The following SYK variants were observed in gnomAD, a reference collection of about 807,000 sequenced individuals.
The protein encoded by SYK is spleen associated tyrosine kinase.
In SYK, 16 loss-of-function variants were observed where a neutral mutation model predicts 77.8. The ratio of observed to expected loss-of-function variants is 0.21; its 90% CI spans 0.14 to 0.31. SYK has a LOEUF of 0.31. Ranked by LOEUF, SYK falls within the 10% of genes least tolerant of loss-of-function variation. SYK has a pLI of 1.00. For synonymous variants in SYK, 312 were observed against 308.7 expected, an observed-to-expected ratio of 1.01 and a Z score of -0.11; for missense variants, 529 against 814.4, an observed-to-expected ratio of 0.65 and a Z score of 4.26.
At chr9:90,887,701 C>A in intron 11 of SYK, 48 bp from the exon 12 acceptor site, 1 of 1,557,742 alleles carries the variant, frequency 6.4e-7, no homozygotes. Context: ...ATGTGCCCGG[C>A]CCACAATTTT....
chr9:90,829,029 G>A (rs77425772), intron 1 of SYK, among the ~76,000 whole-genome samples: 2,923 of 152,310 alleles, frequency 0.019, 96 homozygotes, highest in East Asian at 0.15. Context: ...AGAGGCTCAC[G>A]CCTGTAATCC....
chr9:90,898,026 A>C lies in SYK; in HGVS notation c.*2426A>C, dbSNP rs753172240. The C allele has an allele frequency of 6.0e-4, 138 of 229,484 alleles. 3 individuals are homozygous for C. Among genetic ancestry groups the C allele is most frequent in the Admixed American group, 5.7e-5 (1 of 17,666 alleles). The allele number at this position is 229,484 out of a possible 1,614,324, so 14.2% of individuals were successfully genotyped here. On this transcript the variant is annotated 3_prime_UTR_variant, in exon 14 of 14. Transcript: ENST00000375754. ...AGCAGCTAGCTTGGGCTGGATTCTC[A>C]TACCCAGGCTGCCCCTTGGATTGTT... is the stretch of plus-strand genomic sequence containing the variant.
At chr9:90,883,924 G>C (rs1235640287) in intron 11 of SYK, among the ~76,000 whole-genome samples, 1 of 152,078 alleles carries the variant, frequency 6.6e-6, no homozygotes, top group Non-Finnish European at 1.5e-5. Flanking sequence ...CCAAGGACAG[G>C]CATACTCAGC....
At chr9:90,830,320 C>G (rs888572759) in intron 1 of SYK, among the ~76,000 whole-genome samples, 5 of 152,214 alleles carry the variant, frequency 3.3e-5, no homozygotes, top group African/African-American at 1.2e-4. Context: ...CAACTCAGGC[C>G]CTGCAGCTGG....
chr9:90,873,493 T>TC lies in SYK; in HGVS notation c.916-703dup, dbSNP rs202140865. ...AAGTCCTTAGGATAATGAGTAGATT[T>TC]CCCCCCCCAGTTGTTTCATGATATA... On this transcript the variant is annotated intron_variant, in intron 7 of 13. Coordinates refer to ENST00000375754, the MANE Select transcript of SYK (RefSeq NM_003177.7). 7.3e-3 allele frequency among the ~76,000 whole-genome samples: 1,115 copies of TC among 151,718 alleles called. 10 individuals are homozygous for TC. The highest frequency in any genetic ancestry group is 0.015 in the African/African-American group (625 of 41,354).
At chr9:90,854,360 G>A (rs1248753102) in intron 3 of SYK, among the ~76,000 whole-genome samples, 1 of 152,180 alleles carries the variant, frequency 6.6e-6, no homozygotes, top group African/African-American at 2.4e-5. Context: ...GAGAAACTGA[G>A]TCAGAGAGGA....
At chr9:90,810,411 G>T (rs1334903893) in intron 1 of SYK, among the ~76,000 whole-genome samples, 1 of 152,152 alleles carries the variant, frequency 6.6e-6, no homozygotes, top group Non-Finnish European at 1.5e-5. Context: ...ACTTCAATGG[G>T]GCGTAATCAC....
At chr9:90,816,035 C>G (rs1564069950) in intron 1 of SYK, among the ~76,000 whole-genome samples, 1 of 152,196 alleles carries the variant, frequency 6.6e-6, no homozygotes, top group East Asian at 1.9e-4. Flanking sequence ...AACCACTGTT[C>G]TCAGCTGGAG....
chr9:90,877,548 G>A lies in SYK; in HGVS notation c.1182-23G>A, dbSNP rs1231145930. The A allele has an allele frequency of 8.1e-6, 13 of 1,613,472 alleles. No homozygotes were observed. The East Asian group carries it at 2.9e-4, about 36-fold the overall frequency. On this transcript the variant is annotated intron_variant, in intron 9 of 13. Coordinates refer to ENST00000375754, the MANE Select transcript of SYK (RefSeq NM_003177.7). The stretch of plus-strand genomic sequence containing the variant: ...AGTGAGGCATTTTGGAAAGTTTCTT[G>A]TGTGTTATGATTTCTCTTGCAGAGT...
intron 1 of SYK, among the ~76,000 whole-genome samples, chr9:90,843,164 C>T (rs10821511): frequency 0.26 from 39,923 of 152,004 alleles, 5,577 homozygotes; most frequent in South Asian, 0.34. Context: ...CTATGGGCCC[C>T]AGGCCTCGGG....
intron 3 of SYK, among the ~76,000 whole-genome samples, chr9:90,853,780 G>A (rs187735133): frequency 4.6e-5 from 7 of 151,984 alleles, no homozygotes; most frequent in Non-Finnish European, 8.8e-5. Context: ...TAAATGACAA[G>A]TTAATGGGTG....
At chr9:90,847,449 G>T (rs1296865755) in intron 3 of SYK, among the ~76,000 whole-genome samples, 1 of 149,452 alleles carries the variant, frequency 6.7e-6, no homozygotes, top group African/African-American at 2.5e-5. Context: ...ACTTTATATT[G>T]CAGTTGTCCA....
chr9:90,808,970 G>A (rs1001679477), intron 1 of SYK, among the ~76,000 whole-genome samples: 8 of 152,196 alleles, frequency 5.3e-5, no homozygotes, highest in African/African-American at 1.7e-4. Context: ...TTCATTTTCT[G>A]TAATACTGTT....
intron 7 of SYK, among the ~76,000 whole-genome samples, chr9:90,873,156 C>A (rs1185735182): frequency 6.6e-6 from 1 of 152,100 alleles, no homozygotes; most frequent in Non-Finnish European, 1.5e-5. Context: ...TGGTTTCTCG[C>A]CTTGTAATAT....
intron 13 of SYK, among the ~76,000 whole-genome samples, chr9:90,890,167 G>T (rs1438008055): frequency 6.6e-6 from 1 of 152,222 alleles, no homozygotes; most frequent in Non-Finnish European, 1.5e-5. Context: ...AAAGGTGGGT[G>T]GGAAGAGAGC....
In SYK at chr9:90,883,165, G is replaced by A. The variant is rs553481647; in HGVS notation, c.1581+4212G>A. Among the ~76,000 whole-genome samples the A allele has an allele frequency of 4.6e-5, 7 of 152,148 alleles. No individual in the cohort carries two copies. The South Asian group carries it at 1.2e-3, about 27-fold the overall frequency. ...CAGGCCAAGGACAGAGGGGAGAATGGACACCTTCACACACCCCAGGGACAG... is the reference window on the plus strand; with the variant it reads ...CAGGCCAAGGACAGAGGGGAGAATGAACACCTTCACACACCCCAGGGACAG... On this transcript the variant is annotated intron_variant, in intron 11 of 13. Coordinates refer to ENST00000375754, the MANE Select transcript of SYK (RefSeq NM_003177.7).
chr9:90,833,535 G>A (rs1825967634), intron 1 of SYK, among the ~76,000 whole-genome samples: 2 of 152,222 alleles, frequency 1.3e-5, no homozygotes, highest in Admixed American at 6.5e-5. Context: ...CCTGCCAGAA[G>A]AATGGGCTCT....
chr9:90,827,497 A>C (rs1825700903), intron 1 of SYK: 1 of 152,078 alleles, frequency 6.6e-6, no homozygotes, highest in African/African-American at 2.4e-5. Flanking sequence ...CTCCTCTCAG[A>C]TTTGTGTGCT....
chr9:90,885,532 G>A (rs1334152117), intron 11 of SYK, among the ~76,000 whole-genome samples: 1 of 152,176 alleles, frequency 6.6e-6, no homozygotes, highest in Non-Finnish European at 1.5e-5. Flanking sequence ...CATGATATAT[G>A]GGGCAGTGTA....
Sources: allele counts gnomAD v4.1 joint callset (sites outside exome capture counted in the v4.1 genomes callset), GRCh38; gene constraint gnomAD v4.1.1; transcripts MANE v1.5; gene names NCBI Gene and HGNC (gene_info 2026-07-23, HGNC 2026-07-21).